The following LARGE1 variants were observed in gnomAD, a reference collection of about 807,000 sequenced individuals.
LARGE1 encodes the protein LARGE xylosyl- and glucuronyltransferase 1, also known as xylosyl- and glucuronyltransferase LARGE1.
LARGE1 carries 43 observed loss-of-function variants against 87.6 expected under a neutral mutation model. That is an observed-to-expected ratio of 0.49 (90% CI 0.38 to 0.63). LARGE1 has a LOEUF of 0.63. LARGE1 is among the 30% of genes least tolerant of loss of function. The probability of loss-of-function intolerance (pLI) is 0.00; values close to 1 mark genes in which losing one functional copy is unlikely to be tolerated. For synonymous variants in LARGE1, 434 were observed against 394.6 expected, an observed-to-expected ratio of 1.10 and a Z score of -1.18; for missense variants, 802 against 1,000.2, an observed-to-expected ratio of 0.80 and a Z score of 2.67.
intron 11 of LARGE1, among the ~76,000 whole-genome samples, chr22:33,195,270 T>C (rs924351070): frequency 6.6e-6 from 1 of 152,152 alleles, no homozygotes; most frequent in Non-Finnish European, 1.5e-5. Context: ...TGGGCATTCC[T>C]CACTCAGCAA....
At chr22:33,426,208 C>T (rs2066872227) in intron 7 of LARGE1, among the ~76,000 whole-genome samples, 1 of 152,162 alleles carries the variant, frequency 6.6e-6, no homozygotes, top group African/African-American at 2.4e-5. Flanking sequence ...TGCAGATATG[C>T]AAACGCTTCT....
chr22:33,127,058 G>A, the LARGE1 span, among the ~76,000 whole-genome samples: 2 of 152,204 alleles, frequency 1.3e-5, no homozygotes, highest in African/African-American at 4.8e-5. Flanking sequence ...AGCTGCTTGT[G>A]TCTGGATCAG....
intron 6 of LARGE1, among the ~76,000 whole-genome samples, chr22:33,515,509 G>T (rs1448924600): frequency 6.6e-6 from 1 of 152,168 alleles, no homozygotes; most frequent in Non-Finnish European, 1.5e-5. Flanking sequence ...TTGAATGAAT[G>T]AACTCATTTT....
At chr22:33,382,293 G>A (rs1024152786) in intron 8 of LARGE1, among the ~76,000 whole-genome samples, 2 of 152,090 alleles carry the variant, frequency 1.3e-5, no homozygotes, top group African/African-American at 4.8e-5. Flanking sequence ...GTCTCATAAG[G>A]CCCTATCCAG....
At chr22:33,220,890 G>A (rs1344966046) in intron 11 of LARGE1, among the ~76,000 whole-genome samples, 5 of 152,090 alleles carry the variant, frequency 3.3e-5, no homozygotes, top group Non-Finnish European at 1.5e-5. Flanking sequence ...GCTATGCAGG[G>A]GACAGAGATT....
intron 6 of LARGE1, among the ~76,000 whole-genome samples, chr22:33,498,767 C>G (rs923382354): frequency 1.3e-5 from 2 of 152,060 alleles, no homozygotes; most frequent in East Asian, 1.9e-4. Flanking sequence ...GTCAGGAGAT[C>G]GAGACCACCC....
chr22:33,334,843 T>C lies in LARGE1; in HGVS notation c.1287+2803A>G, dbSNP rs539420794. ...GTCTCTAAGTTCAACCCCCGTGAGC[T>C]ACACGGCTCCTGGCAGATGGCCAGC... On this transcript the variant is annotated intron_variant, in intron 10 of 14. Transcript: ENST00000397394. Among the ~76,000 whole-genome samples the C allele has an allele frequency of 3.3e-5, 5 of 152,328 alleles. No individual in the cohort carries two copies. In the South Asian group the frequency reaches 1.0e-3, roughly 32 times the overall value.
chr22:33,304,587 T>C, intron 11 of LARGE1, 80 bp from the exon 12 acceptor site: 1 of 1,402,434 alleles, frequency 7.1e-7, no homozygotes, highest in Non-Finnish European at 9.5e-7. Flanking sequence ...GGGCTCTGCC[T>C]CCAGTGACAC....
the LARGE1 span, among the ~76,000 whole-genome samples, chr22:33,080,677 G>C: frequency 2.0e-5 from 3 of 152,278 alleles, no homozygotes; most frequent in South Asian, 6.2e-4. Flanking sequence ...GCAGCATTTT[G>C]CAGATGAGGA....
At chr22:33,804,743 T>G (rs2086258559) in intron 1 of LARGE1, among the ~76,000 whole-genome samples, 1 of 152,120 alleles carries the variant, frequency 6.6e-6, no homozygotes, top group Non-Finnish European at 1.5e-5. Flanking sequence ...GCCCCCAATG[T>G]CCCCAGTGCA....
At chr22:33,413,810 G>A (rs983504798) in intron 7 of LARGE1, among the ~76,000 whole-genome samples, 1 of 152,112 alleles carries the variant, frequency 6.6e-6, no homozygotes, top group Non-Finnish European at 1.5e-5. Context: ...TGAACACAAG[G>A]CATAGTGAGC....
chr22:33,211,539 G>A (rs376298435), intron 11 of LARGE1, among the ~76,000 whole-genome samples: 6 of 152,092 alleles, frequency 3.9e-5, no homozygotes, highest in African/African-American at 1.2e-4. Context: ...TTGGGAGGCC[G>A]AGGCGATGGA....
chr22:33,816,869 C>T (rs1346341094), intron 1 of LARGE1, among the ~76,000 whole-genome samples: 1 of 152,100 alleles, frequency 6.6e-6, no homozygotes, highest in Middle Eastern at 3.2e-3. Flanking sequence ...CCAGGATGCT[C>T]TCCAGGAAAA....
intron 1 of LARGE1, among the ~76,000 whole-genome samples, chr22:33,897,730 A>C (rs1265079366): frequency 1.3e-5 from 2 of 152,318 alleles, no homozygotes; most frequent in East Asian, 1.9e-4. Flanking sequence ...ACAAATAAAA[A>C]TAAGTACATT....
rs1029373759 is a variant in LARGE1, at chr22:33,215,682, C to T, written c.1731-48850G>A. On this transcript the variant is annotated intron_variant, in intron 11 of 11. Transcript: ENST00000608642. The stretch of plus-strand genomic sequence containing the variant: ...TATTCCTCGTCTGTTTAAGGCTGGG[C>T]GTGGTGGCTCACGCCTTTAATCCTA... 7.2e-5 allele frequency among the ~76,000 whole-genome samples: 11 copies of T among 152,238 alleles called. No individual in the cohort carries two copies. In the South Asian group the frequency reaches 1.9e-3, roughly 26 times the overall value.
At position 33,364,106 on chromosome 22, in the gene LARGE1, G is replaced by C. The variant is rs961939967; in HGVS notation, c.1131+17813C>G. Among the ~76,000 whole-genome samples the C allele has an allele frequency of 8.6e-5, 13 of 151,082 alleles. 1 individual carries two copies. The highest frequency in any genetic ancestry group is 1.8e-4 in the Non-Finnish European group (12 of 67,682). ...GTCTCGCTCTGTCGCCCAGGCTGGA[G>C]TGCAGTGGCGCAATCTCGGCTCACT... is the stretch of plus-strand genomic sequence containing the variant. On this transcript the variant is annotated intron_variant, in intron 9 of 14. Coordinates refer to ENST00000397394, the MANE Select transcript of LARGE1 (RefSeq NM_133642.5).
chr22:33,250,332 A>G (rs1357157739), intron 11 of LARGE1, among the ~76,000 whole-genome samples: 1 of 152,176 alleles, frequency 6.6e-6, no homozygotes, highest in East Asian at 1.9e-4. Flanking sequence ...TTCATTGCTG[A>G]TATGTAAGAA....
rs896523190 is a variant in LARGE1 at position 33,729,428 on chromosome 22, A to T, written c.106+31943T>A. ...TAAGCTTCAGCCTTTCAAGGGATAT[A>T]AACTATCACTAATGCATTCCAGAAG... On this transcript the variant is annotated intron_variant, in intron 2 of 14. Transcript: ENST00000397394. 5.3e-5 allele frequency among the ~76,000 whole-genome samples: 8 copies of T among 152,340 alleles called. No individual in the cohort carries two copies. The South Asian group carries it at 1.2e-3, about 24-fold the overall frequency.
intron 1 of LARGE1, among the ~76,000 whole-genome samples, chr22:33,841,292 T>C (rs1449192270): frequency 1.3e-5 from 2 of 152,112 alleles, no homozygotes; most frequent in Non-Finnish European, 2.9e-5. Flanking sequence ...AGCTTTCCAA[T>C]GAAAGTGACA....
Sources: allele counts gnomAD v4.1 joint callset (sites outside exome capture counted in the v4.1 genomes callset), GRCh38; gene constraint gnomAD v4.1.1; transcripts MANE v1.5; gene names NCBI Gene and HGNC (gene_info 2026-07-23, HGNC 2026-07-21).